The following CNTN5 variants were observed in gnomAD, a reference collection of about 807,000 sequenced individuals.
The protein encoded by CNTN5 is contactin 5.
Under a neutral mutation model 129.1 loss-of-function variants are expected in CNTN5, and 77 were observed. The observed-to-expected ratio is 0.60, with a 90% confidence interval of 0.50 to 0.72. The LOEUF is 0.72. Among genes scored for constraint, CNTN5 ranks in the 30% least tolerant of loss-of-function variants. CNTN5 has a pLI of 0.00. For synonymous variants in CNTN5, 509 were observed against 465.6 expected (o/e 1.09, Z -1.20); for missense variants, 1,478 against 1,328.8 (o/e 1.11, Z -1.75).
intron 1 of CNTN5, among the ~76,000 whole-genome samples, chr11:99,241,318 G>GTTTTTTTTTTTTTTTTTTTTTTGT (rs10648459): frequency 1.1e-5 from 1 of 88,050 alleles, no homozygotes; most frequent in East Asian, 3.4e-4. Flanking sequence ...TTGATTGTTG[G>GTTTTTTTTTTTTTTTTTTTTTTGT]TTTTTTTTTT....
chr11:99,419,632 C>T (rs1942800887), intron 2 of CNTN5, among the ~76,000 whole-genome samples: 1 of 152,080 alleles, frequency 6.6e-6, no homozygotes, highest in African/African-American at 2.4e-5. Context: ...GGGCATGTAT[C>T]ATTCCCAATT....
intron 24 of CNTN5, among the ~76,000 whole-genome samples, chr11:100,352,206 T>G (rs1952433039): frequency 6.6e-6 from 1 of 151,578 alleles, no homozygotes; most frequent in Admixed American, 6.6e-5. Context: ...CGTGTACTGG[T>G]CCCCTCTATA....
In CNTN5 at chr11:100,217,737, C is replaced by T. The variant is rs532263142; in HGVS notation, c.1885-6955C>T. 2.8e-4 allele frequency among the ~76,000 whole-genome samples: 42 copies of T among 152,226 alleles called. 1 individual carries two copies. Among genetic ancestry groups the T allele is most frequent in the East Asian group, 1.5e-3 (8 of 5,188 alleles). On this transcript the variant is annotated intron_variant, in intron 15 of 24. Transcript: ENST00000524871. Reference sequence around the variant, plus strand: ...TTGCTAAAATCTTCTTACCTACCAGCGTTGCCTCATTGAGCCAACCTATGG... The same window carrying T: ...TTGCTAAAATCTTCTTACCTACCAGTGTTGCCTCATTGAGCCAACCTATGG...
chr11:99,172,733 C>T (rs1861203360), intron 1 of CNTN5, among the ~76,000 whole-genome samples: 1 of 152,164 alleles, frequency 6.6e-6, no homozygotes, highest in Non-Finnish European at 1.5e-5. Context: ...TCTAGAAGGA[C>T]ACTTAACAGA....
intron 3 of CNTN5, among the ~76,000 whole-genome samples, chr11:99,625,268 A>C (rs1951087606): frequency 6.6e-6 from 1 of 152,158 alleles, no homozygotes. Context: ...GGAAGAATGC[A>C]GGTGGGTGCT....
intron 1 of CNTN5, among the ~76,000 whole-genome samples, chr11:99,311,969 C>T (rs917196584): frequency 6.6e-5 from 10 of 152,140 alleles, no homozygotes; most frequent in Non-Finnish European, 1.3e-4. Flanking sequence ...AAGCTACTAC[C>T]TCTGAAGAAA....
chr11:99,078,297 T>G (rs1865656854), intron 1 of CNTN5, among the ~76,000 whole-genome samples: 1 of 152,334 alleles, frequency 6.6e-6, no homozygotes, highest in South Asian at 2.1e-4. Flanking sequence ...TTTAAATTGT[T>G]GATTAACAAT....
intron 3 of CNTN5, among the ~76,000 whole-genome samples, chr11:99,773,301 T>C (rs1183481195): frequency 6.6e-6 from 1 of 152,130 alleles, no homozygotes; most frequent in Non-Finnish European, 1.5e-5. Flanking sequence ...AAAGAAATTA[T>C]CTGTTTTTAT....
intron 3 of CNTN5, among the ~76,000 whole-genome samples, chr11:99,619,750 G>A (rs1950872196): frequency 6.6e-6 from 1 of 152,034 alleles, no homozygotes; most frequent in Non-Finnish European, 1.5e-5. Context: ...AAAGCTGTCG[G>A]GCGTGGTGGC....
chr11:100,215,846 C>G (rs959268093), intron 15 of CNTN5, among the ~76,000 whole-genome samples: 2 of 152,012 alleles, frequency 1.3e-5, no homozygotes, highest in African/African-American at 4.8e-5. Flanking sequence ...AAATAATATG[C>G]AAATTGGTCA....
In CNTN5 at chr11:99,966,836, C is replaced by T. The variant is rs56864051; in HGVS notation, c.877+9827C>T. Among the ~76,000 whole-genome samples the T allele has an allele frequency of 1.6e-3, 245 of 152,170 alleles. 2 individuals are homozygous for T. Among genetic ancestry groups the T allele is most frequent in the African/African-American group, 5.8e-3 (240 of 41,542 alleles). On this transcript the variant is annotated intron_variant, in intron 8 of 24. Coordinates refer to ENST00000524871, the MANE Select transcript of CNTN5 (RefSeq NM_014361.4). ...AAAAGTTGACTTTCTGTTATTTATT[C>T]AGTTTATATGTTGCTTCCATTTTGC...
At chr11:99,227,039 TTC>T (rs1328866316) in intron 1 of CNTN5, among the ~76,000 whole-genome samples, 1 of 152,132 alleles carries the variant, frequency 6.6e-6, no homozygotes, top group East Asian at 1.9e-4. Flanking sequence ...GAGATGTTAG[TTC>T]TCTTACTGCA....
chr11:99,282,249 T>C (rs1863733159), intron 1 of CNTN5, among the ~76,000 whole-genome samples: 1 of 151,982 alleles, frequency 6.6e-6, no homozygotes, highest in Non-Finnish European at 1.5e-5. Context: ...AATATGTGTA[T>C]AATACAAATA....
intron 3 of CNTN5, among the ~76,000 whole-genome samples, chr11:99,669,590 C>T (rs1952952153): frequency 1.3e-5 from 2 of 151,966 alleles, no homozygotes; most frequent in Admixed American, 6.6e-5. Flanking sequence ...GTTAGGATTA[C>T]ACTATTTCCC....
At chr11:100,198,448 T>C (rs1005253672) in intron 15 of CNTN5, among the ~76,000 whole-genome samples, 2 of 151,868 alleles carry the variant, frequency 1.3e-5, no homozygotes, top group Admixed American at 6.6e-5. Context: ...GCTCACTGAT[T>C]CCTCTTAACA....
At chr11:99,055,242 A>C (rs1027433220) in intron 1 of CNTN5, among the ~76,000 whole-genome samples, 10 of 151,990 alleles carry the variant, frequency 6.6e-5, no homozygotes, top group African/African-American at 2.4e-4. Flanking sequence ...TATGAGTGGC[A>C]ATGAAATTGT....
At chr11:99,216,543 C>CCA (rs1331015824) in intron 1 of CNTN5, among the ~76,000 whole-genome samples, 65 of 152,100 alleles carry the variant, frequency 4.3e-4, no homozygotes, top group African/African-American at 1.2e-3. Flanking sequence ...ATCATATGAT[C>CCA]TATCATATGC....
At position 99,839,894 on chromosome 11, in the gene CNTN5, A is replaced by G. The variant is rs7102348; in HGVS notation, c.278-4958A>G. On this transcript the variant is annotated intron_variant, in intron 4 of 24. Transcript: ENST00000524871. ...TTTTCTTTTTAAAGAAAAACAAGGT[A>G]TGCCTAACTGGTATGAGGGGAATAG... Among the ~76,000 whole-genome samples, 1,340 of 152,220 alleles carry G rather than the reference A, an allele frequency of 8.8e-3. 17 individuals carry two copies. Among genetic ancestry groups the G allele is most frequent in the African/African-American group, 0.031 (1,282 of 41,540 alleles).
chr11:100,204,625 G>A (rs982866966), intron 15 of CNTN5, among the ~76,000 whole-genome samples: 1 of 151,218 alleles, frequency 6.6e-6, no homozygotes, highest in Non-Finnish European at 1.5e-5. Context: ...GTTAACAGAG[G>A]AAGTTTCTAA....
Sources: allele counts gnomAD v4.1 joint callset (sites outside exome capture counted in the v4.1 genomes callset), GRCh38; gene constraint gnomAD v4.1.1; transcripts MANE v1.5; gene names NCBI Gene and HGNC (gene_info 2026-07-23, HGNC 2026-07-21).